CPZ: variants seen among roughly 807,000 people sequenced by gnomAD.
CPZ encodes the protein carboxypeptidase Z, also known as VEZT/CPZ fusion.
Under a neutral mutation model 61.8 loss-of-function variants are expected in CPZ, and 103 were observed. The observed-to-expected ratio is 1.67, with a 90% CI of 1.42 to 1.96. The LOEUF (loss-of-function observed/expected upper bound fraction) is 1.96, where lower values mean the gene tolerates loss of function less well. Ranked by LOEUF, CPZ falls within the 30% of genes most tolerant of loss-of-function variation. The pLI is 0.00. For missense variants in CPZ, 1,461 were observed against 914.9 expected, an observed-to-expected ratio of 1.60 and a Z score of -7.70; for synonymous variants, 551 against 373.7, an observed-to-expected ratio of 1.47 and a Z score of -5.47.
chr4:8,597,960 A>G (rs1714302049), intron 1 of CPZ, among the ~76,000 whole-genome samples: 1 of 152,162 alleles, frequency 6.6e-6, no homozygotes, highest in African/African-American at 2.4e-5. Flanking sequence ...GGGGCTGGGC[A>G]TCTTCCCTGC....
intron 7 of CPZ, chr4:8,611,020 TCATTCC>T: frequency 6.0e-6 from 2 of 332,284 alleles, no homozygotes; most frequent in Middle Eastern, 4.3e-4. Context: ...ACTCATTCAC[TCATTCC>T]CTCACTCTTT....
At chr4:8,611,357 C>T (rs1043172977) in intron 7 of CPZ, 1 of 439,778 alleles carries the variant, frequency 2.3e-6, no homozygotes, top group African/African-American at 2.0e-5. Context: ...TGCGGGGAAG[C>T]TCTGGGCTGG....
At chr4:8,593,862 C>G (rs1713978272) in intron 1 of CPZ, among the ~76,000 whole-genome samples, 1 of 152,208 alleles carries the variant, frequency 6.6e-6, no homozygotes. Context: ...CGCCTTACCT[C>G]TGGGCTCTTT....
chr4:8,619,180 C>T (rs1716466400), intron 10 of CPZ, 82 bp from the exon 11 acceptor site: 2 of 1,256,074 alleles, frequency 1.6e-6, no homozygotes, highest in Non-Finnish European at 1.1e-6. Context: ...GCTAACCTCT[C>T]CCCACTCATA....
At chr4:8,594,161 T>C (rs1714002795) in intron 1 of CPZ, among the ~76,000 whole-genome samples, 1 of 152,186 alleles carries the variant, frequency 6.6e-6, no homozygotes, top group Non-Finnish European at 1.5e-5. Flanking sequence ...AGCACAGCCG[T>C]GGCATCGGCA....
chr4:8,612,970 C>G (rs1285048874), intron 8 of CPZ, among the ~76,000 whole-genome samples: 1 of 152,240 alleles, frequency 6.6e-6, no homozygotes, highest in Non-Finnish European at 1.5e-5. Context: ...GAAAACTTTT[C>G]TCTCCTGCTC....
At chr4:8,599,993 C>A (rs1714452431) in intron 2 of CPZ, 1 of 153,190 alleles carries the variant, frequency 6.5e-6, no homozygotes, top group African/African-American at 2.4e-5. Context: ...GGCTTTTTCC[C>A]TGAAAGGGGC....
intron 7 of CPZ, chr4:8,611,109 CACTG>C (rs1560299914): frequency 2.4e-6 from 1 of 419,110 alleles, no homozygotes; most frequent in Admixed American, 2.5e-5. Context: ...CTCACTCACT[CACTG>C]GGCCCTGCCT....
chr4:8,604,540 G>A (rs1560293409), intron 4 of CPZ, among the ~76,000 whole-genome samples: 1 of 152,170 alleles, frequency 6.6e-6, no homozygotes, highest in Non-Finnish European at 1.5e-5. Flanking sequence ...GGAGTGCAGT[G>A]GCACGATCTC....
intron 1 of CPZ, among the ~76,000 whole-genome samples, chr4:8,596,008 C>A (rs1002595033): frequency 3.8e-5 from 5 of 129,884 alleles, no homozygotes; most frequent in Non-Finnish European, 8.2e-5. Flanking sequence ...TGCGGCCCTG[C>A]AGACCTGCAG....
chr4:8,610,547 G>A (rs553650955), intron 7 of CPZ, among the ~76,000 whole-genome samples: 17 of 150,670 alleles, frequency 1.1e-4, no homozygotes, highest in African/African-American at 4.2e-4. Context: ...CCTACCCCCC[G>A]AGGCTACACC....
In CPZ at chr4:8,612,841, G is replaced by A. The variant is rs183089243; in HGVS notation, c.1363+679G>A. 2.2e-3 allele frequency among the ~76,000 whole-genome samples: 336 copies of A among 152,338 alleles called. 4 individuals are homozygous for A. Among genetic ancestry groups the A allele is most frequent in the African/African-American group, 7.7e-3 (319 of 41,570 alleles). On this transcript the variant is annotated intron_variant, in intron 8 of 10. Coordinates refer to ENST00000360986, the MANE Select transcript of CPZ (RefSeq NM_001014447.3). Reference sequence around the variant, plus strand: ...GAGAAGGACTTGCTGGAGGCCCAGGGCCACAGGTGGCAGAGCCAGGACCCA... The same window carrying A: ...GAGAAGGACTTGCTGGAGGCCCAGGACCACAGGTGGCAGAGCCAGGACCCA...
rs200227054 is a variant in CPZ at position 8,606,071 on chromosome 4, C to T, written c.792C>T (p.Tyr264=). ...AGATGCTCATCTACCTAGCCCAGTA[C>T]CTGTGCTCTGAGTACCTGCTTGGTA... ...GREMLIYLAQ[Y]LCSEYLLGNP... is the part of the protein sequence containing the mutation. Residue 264 remains tyrosine, a synonymous_variant, in exon 5 of 11, where the codon TAC becomes TAT. Transcript: ENST00000360986. The T allele has an allele frequency of 1.2e-5, 19 of 1,614,182 alleles. No individual in the cohort carries two copies. In the Admixed American group the frequency reaches 1.5e-4, roughly 13 times the overall value.
intron 9 of CPZ, 94 bp from the exon 10 acceptor site, chr4:8,618,335 A>G (rs2109350616): frequency 8.1e-7 from 1 of 1,228,560 alleles, no homozygotes; most frequent in Admixed American, 1.8e-5. Context: ...CCTAGATACC[A>G]AGCTCTGAGG....
chr4:8,601,306 G>A lies in CPZ; in HGVS notation c.305G>A (p.Cys102Tyr). ...QCNPDLRLLG[C>Y]AVLAPRCEGG... ...AACCCGGACCTGCGGCTGCTGGGCTGTGCTGTGCTGGCCCCCCGGTGTGAG... is the reference window on the plus strand; with the variant it reads ...AACCCGGACCTGCGGCTGCTGGGCTATGCTGTGCTGGCCCCCCGGTGTGAG... Residue 102 changes from cysteine to tyrosine, a missense_variant, in exon 3 of 11, where the codon TGT becomes TAT. Physicochemically the swap from Cys to Tyr is radical, Grantham distance 194. Coordinates refer to ENST00000360986, the MANE Select transcript of CPZ (RefSeq NM_001014447.3). The A allele has an allele frequency of 1.9e-6, 3 of 1,612,372 alleles. No homozygotes were observed. Among genetic ancestry groups the A allele is most frequent in the South Asian group, 1.1e-5 (1 of 90,982 alleles).
chr4:8,601,529 A>C, intron 3 of CPZ, 32 bp downstream of exon 3: 1 of 1,438,174 alleles, frequency 7.0e-7, no homozygotes, highest in Non-Finnish European at 9.1e-7. Context: ...CTGTGTGGTC[A>C]TGGGGTCCAG....
At chr4:8,611,447 T>G (rs1335512350) in intron 7 of CPZ, among the ~76,000 whole-genome samples, 1 of 152,026 alleles carries the variant, frequency 6.6e-6, no homozygotes, top group Non-Finnish European at 1.5e-5. Flanking sequence ...CTGTGAGCTG[T>G]GTTCTGTCCC....
chr4:8,614,492 G>A lies in CPZ; in HGVS notation c.1497G>A (p.Val499=). The change falls in exon 9 of 11, where the codon GTG becomes GTA. Residue 499 remains valine, a synonymous_variant. Transcript: ENST00000360986. ...ACAAGGAGTCACTCCTGAATTTCGT[G>A]GAGACGGTGAGTTCTGACGGTCTCA... ...QHNKESLLNF[V]ETVHRGIKGV... The A allele has an allele frequency of 6.2e-7, 1 of 1,613,462 alleles. No individual in the cohort carries two copies. The highest frequency in any genetic ancestry group is 8.5e-7 in the Non-Finnish European group (1 of 1,179,666).
chr4:8,611,004 T>C (rs1715611951), intron 7 of CPZ, among the ~76,000 whole-genome samples: 1 of 88,258 alleles, frequency 1.1e-5, no homozygotes, highest in Non-Finnish European at 3.0e-5. Flanking sequence ...TTTCACTCAT[T>C]CACTCACTCA....
Sources: allele counts gnomAD v4.1 joint callset (sites outside exome capture counted in the v4.1 genomes callset), GRCh38; gene constraint gnomAD v4.1.1; transcripts MANE v1.5; gene names NCBI Gene and HGNC (gene_info 2026-07-23, HGNC 2026-07-21).